SNX31: variants seen among roughly 807,000 people sequenced by gnomAD.
SNX31 encodes sorting nexin-31.
Under a neutral mutation model 65.4 loss-of-function variants are expected in SNX31, and 58 were observed. That is an observed-to-expected ratio of 0.89 (90% CI 0.72 to 1.10). The LOEUF (loss-of-function observed/expected upper bound fraction) is 1.10. Ranked by LOEUF, SNX31 falls within the 50% of genes least tolerant of loss-of-function variation. The probability of loss-of-function intolerance (pLI) is 0.00; values close to 1 mark genes in which losing one functional copy is unlikely to be tolerated. For missense variants in SNX31, 523 were observed against 529.7 expected (o/e 0.99, Z 0.12); for synonymous variants, 181 against 190.1 (o/e 0.95, Z 0.39).
At chr8:100,633,550 C>T (rs868813744) in intron 3 of SNX31, among the ~76,000 whole-genome samples, 74 of 152,102 alleles carry the variant, frequency 4.9e-4, no homozygotes, top group African/African-American at 1.8e-3. Flanking sequence ...ATTGCAGGCA[C>T]GTGCCACCAT....
intron 7 of SNX31, among the ~76,000 whole-genome samples, chr8:100,611,557 G>GCTTTC (rs1298982003): frequency 6.6e-6 from 1 of 151,894 alleles, no homozygotes; most frequent in Non-Finnish European, 1.5e-5. Context: ...CATTTTCATT[G>GCTTTC]CTTTTCTTTT....
intron 3 of SNX31, among the ~76,000 whole-genome samples, chr8:100,634,983 AC>A (rs113404381): frequency 0.3 from 44,634 of 150,920 alleles, 7,989 homozygotes; most frequent in African/African-American, 0.5. Flanking sequence ...GGATTGCTTG[AC>A]CCCCCAGGAG....
chr8:100,576,431 T>A lies in SNX31; in HGVS notation c.1227+588A>T, dbSNP rs1193815828. On this transcript the variant is annotated intron_variant, in intron 13 of 13. Transcript: ENST00000311812. The surrounding 1 kb of genome is among the most constrained non-coding windows in gnomAD (Gnocchi z 4.8). ...GGGTCAGACTGCCTGCTTCTTTCCA[T>A]CTTTGACTGCTGTGCAACCTTGGGC... Among the ~76,000 whole-genome samples, 2 of 152,196 alleles carry A rather than the reference T, an allele frequency of 1.3e-5. No homozygotes were observed. The highest frequency in any genetic ancestry group is 4.8e-5 in the African/African-American group (2 of 41,444).
At chr8:100,641,820 T>G (rs1819263425) in intron 2 of SNX31, among the ~76,000 whole-genome samples, 1 of 150,694 alleles carries the variant, frequency 6.6e-6, no homozygotes, top group Admixed American at 6.6e-5. Flanking sequence ...GGCTCACGCC[T>G]GTAATCCCAG....
At chr8:100,618,155 A>G in intron 4 of SNX31, 4 of 985,288 alleles carry the variant, frequency 4.1e-6, no homozygotes, top group Non-Finnish European at 4.8e-6. Flanking sequence ...TGGTACCCAA[A>G]GTTCCCAAGA....
chr8:100,574,388 C>G (rs937000352), intron 13 of SNX31, among the ~76,000 whole-genome samples: 2 of 152,228 alleles, frequency 1.3e-5, no homozygotes, highest in African/African-American at 4.8e-5. Context: ...AATCCCAACA[C>G]TTTGGGAGGC....
At chr8:100,620,693 G>A (rs1277447380) in intron 4 of SNX31, among the ~76,000 whole-genome samples, 1 of 152,040 alleles carries the variant, frequency 6.6e-6, no homozygotes, top group Non-Finnish European at 1.5e-5. Context: ...TGATCATTGG[G>A]CTCATTGTTT....
At chr8:100,645,204 A>G (rs1819539914) in intron 2 of SNX31, among the ~76,000 whole-genome samples, 1 of 152,270 alleles carries the variant, frequency 6.6e-6, no homozygotes, top group African/African-American at 2.4e-5. Context: ...TTAATTATAT[A>G]GAAGAAAACT....
At chr8:100,644,326 T>A (rs1819478844) in intron 2 of SNX31, among the ~76,000 whole-genome samples, 3 of 152,164 alleles carry the variant, frequency 2.0e-5, no homozygotes, top group Admixed American at 2.0e-4. Context: ...GAGCCCCATA[T>A]CACTTACACA....
intron 10 of SNX31, among the ~76,000 whole-genome samples, chr8:100,593,247 T>G (rs182666390): frequency 6.6e-6 from 1 of 152,206 alleles, no homozygotes. Context: ...TGGGGGAATA[T>G]ACACATAGAT....
In SNX31 at chr8:100,596,814, T is replaced by C. The variant is rs751587871; in HGVS notation, c.803A>G (p.His268Arg). The change falls in exon 10 of 14, where the codon CAC (histidine) becomes CGC (arginine). Residue 268 changes from histidine to arginine, a missense_variant. Transcript: ENST00000311812. ...AGGATCCAGCTGCAGGTATCCATAG[T>C]GCCGTACCTCCCGGGCCAGCTCCAA... is the stretch of plus-strand genomic sequence containing the variant. Reference protein sequence around the residue: ...KFLELAREVRHYGYLQLDPCT... With the variant: ...KFLELAREVRRYGYLQLDPCT... 1 of 1,613,372 alleles carries C rather than the reference T, an allele frequency of 6.2e-7. No homozygotes were observed. The highest frequency in any genetic ancestry group is 8.5e-7 in the Non-Finnish European group (1 of 1,179,994).
At chr8:100,587,202 C>A (rs1041452127) in intron 11 of SNX31, among the ~76,000 whole-genome samples, 3 of 152,148 alleles carry the variant, frequency 2.0e-5, no homozygotes, top group Admixed American at 2.0e-4. Flanking sequence ...GTCATATGAT[C>A]CAGTTCTGGC....
chr8:100,604,253 G>A lies in SNX31; in HGVS notation c.682-3812C>T, dbSNP rs1815930145. On this transcript the variant is annotated intron_variant, in intron 8 of 13. Transcript: ENST00000311812. The surrounding 1 kb of genome is among the most constrained non-coding windows in gnomAD (Gnocchi z 4.3). ...AATCAAGCATCCTAAAGGTGCTGCA[G>A]ATAGAAAAAAAGAAAAAAATAATAA... Among the ~76,000 whole-genome samples the A allele has an allele frequency of 6.6e-6, 1 of 151,978 alleles. No individual in the cohort carries two copies. Among genetic ancestry groups the A allele is most frequent in the Non-Finnish European group, 1.5e-5 (1 of 67,990 alleles).
intron 2 of SNX31, among the ~76,000 whole-genome samples, chr8:100,645,153 A>G (rs954093009): frequency 1.3e-5 from 2 of 152,274 alleles, no homozygotes; most frequent in African/African-American, 2.4e-5. Context: ...TGCGTGGCAT[A>G]TAACAGAAAC....
chr8:100,646,742 C>T (rs1242268338), intron 2 of SNX31, among the ~76,000 whole-genome samples: 3 of 152,168 alleles, frequency 2.0e-5, no homozygotes, highest in Non-Finnish European at 4.4e-5. Context: ...AAATTCATTA[C>T]ACTGAACCCA....
rs757108414 is a variant in SNX31, at chr8:100,630,860, T to C, written c.257-469A>G. On this transcript the variant is annotated intron_variant, in intron 3 of 13. Transcript: ENST00000311812. This position sits in a 1 kb window ranked among gnomAD's most constrained non-coding sequence, Gnocchi z 5.3. ...TGGAGTGTAGTGGCGTGAGCTCGGC[T>C]CACTGCAATGTCCGTCTCCTGGGTT... Among the ~76,000 whole-genome samples, 1 of 152,120 alleles carries C rather than the reference T, an allele frequency of 6.6e-6. No homozygotes were observed. The highest frequency in any genetic ancestry group is 1.5e-5 in the Non-Finnish European group (1 of 68,034).
In SNX31 at chr8:100,578,788, C is replaced by T. The variant is rs1813260094; in HGVS notation, c.1171-1713G>A. 6.6e-6 allele frequency among the ~76,000 whole-genome samples: 1 copy of T among 151,712 alleles called. No individual in the cohort carries two copies. Among genetic ancestry groups the T allele is most frequent in the Admixed American group, 6.6e-5 (1 of 15,232 alleles). On this transcript the variant is annotated intron_variant, in intron 12 of 13. Transcript: ENST00000311812. This position sits in a 1 kb window ranked among gnomAD's most constrained non-coding sequence, Gnocchi z 4.7. ...CCAGGCTAGAGTGCAGTGGCACAAT[C>T]TTGGCTCACTGCAACCTCCACCTCC...
chr8:100,650,908 A>G (rs1182951385), upstream of SNX31, among the ~76,000 whole-genome samples: 1 of 148,224 alleles, frequency 6.7e-6, no homozygotes, highest in Non-Finnish European at 1.5e-5. Flanking sequence ...GCTGGAGTGC[A>G]ATGGTGCGAT....
At chr8:100,639,848 A>G (rs972223948) in intron 2 of SNX31, among the ~76,000 whole-genome samples, 3 of 152,192 alleles carry the variant, frequency 2.0e-5, no homozygotes, top group Non-Finnish European at 2.9e-5. Context: ...GGCAGGAAAT[A>G]TATAAGATGG....
Sources: gnomAD v4.1 joint callset for allele counts (sites outside exome capture counted in the v4.1 genomes callset) on GRCh38, gnomAD v4.1.1 for gene constraint, Gnocchi (gnomAD v3.1) non-coding constraint, MANE v1.5 for transcripts, NCBI Gene and HGNC (gene_info 2026-07-23, HGNC 2026-07-21) for gene names.